Variants in NLGN1 observed in about 807,000 individuals in gnomAD.
NLGN1 encodes the protein neuroligin 1, also known as neuroligin-1.
NLGN1 carries 12 observed loss-of-function variants against 65.5 expected under a neutral mutation model. The observed-to-expected ratio is 0.18, with a 90% CI of 0.12 to 0.30. NLGN1 has a LOEUF of 0.30. Ranked by LOEUF, NLGN1 falls within the 10% of genes least tolerant of loss-of-function variation. The pLI, the probability that NLGN1 is intolerant of heterozygous loss-of-function variation, is 1.00. For synonymous variants in NLGN1, 350 were observed against 359.5 expected (o/e 0.97, Z 0.30); for missense variants, 750 against 1,007.1 (o/e 0.74, Z 3.46).
chr3:174,224,453 C>T (rs1312794234), intron 4 of NLGN1, among the ~76,000 whole-genome samples: 1 of 152,168 alleles, frequency 6.6e-6, no homozygotes, highest in Non-Finnish European at 1.5e-5. Context: ...AATCCCAGAA[C>T]TTTGGGAGGC....
At chr3:174,190,942 G>C (rs956981073) in intron 4 of NLGN1, among the ~76,000 whole-genome samples, 1 of 152,048 alleles carries the variant, frequency 6.6e-6, no homozygotes, top group Non-Finnish European at 1.5e-5. Context: ...TGGGGGCCGA[G>C]ATCTCTTATA....
At chr3:173,900,172 G>GTTCTAT (rs1281752026) in intron 4 of NLGN1, among the ~76,000 whole-genome samples, 1 of 152,078 alleles carries the variant, frequency 6.6e-6, no homozygotes, top group Non-Finnish European at 1.5e-5. Context: ...ATTATATTGT[G>GTTCTAT]TTCTATTTTT....
At chr3:174,228,022 C>G (rs9854999) in intron 4 of NLGN1, among the ~76,000 whole-genome samples, 55,120 of 151,688 alleles carry the variant, frequency 0.36, 10,103 homozygotes, top group East Asian at 0.5. Flanking sequence ...TTGTGTATTT[C>G]ATACTGAGAC....
At chr3:173,713,164 T>C (rs1350351112) in intron 3 of NLGN1, among the ~76,000 whole-genome samples, 1 of 152,166 alleles carries the variant, frequency 6.6e-6, no homozygotes, top group Non-Finnish European at 1.5e-5. Flanking sequence ...TGAAATTGTT[T>C]TCCAAAAAAT....
chr3:173,779,280 C>G (rs1480878262), intron 3 of NLGN1, among the ~76,000 whole-genome samples: 1 of 135,664 alleles, frequency 7.4e-6, no homozygotes, highest in Non-Finnish European at 1.6e-5. Context: ...TGAACATAGA[C>G]TGCATTTTTT....
At chr3:173,640,435 T>G (rs1284970357) in intron 3 of NLGN1, among the ~76,000 whole-genome samples, 1 of 152,152 alleles carries the variant, frequency 6.6e-6, no homozygotes, top group Non-Finnish European at 1.5e-5. Context: ...TTTATCTATC[T>G]ATTGACAACG....
chr3:173,701,439 G>C, intron 3 of NLGN1, among the ~76,000 whole-genome samples: 1 of 152,114 alleles, frequency 6.6e-6, no homozygotes, highest in Non-Finnish European at 1.5e-5. Flanking sequence ...AGGCATGTAA[G>C]CAGCATCTAG....
chr3:174,008,625 G>A (rs1000699258), intron 4 of NLGN1, among the ~76,000 whole-genome samples: 3 of 151,976 alleles, frequency 2.0e-5, no homozygotes, highest in Non-Finnish European at 4.4e-5. Context: ...TCCTGAGTGT[G>A]TTCAAAATAC....
chr3:173,753,045 A>C (rs1005426489), intron 3 of NLGN1, among the ~76,000 whole-genome samples: 15 of 151,282 alleles, frequency 9.9e-5, no homozygotes, highest in Admixed American at 9.9e-4. Flanking sequence ...CATTCTACCC[A>C]CCCGTCTTTT....
chr3:173,495,899 A>G (rs1299839540), intron 2 of NLGN1, among the ~76,000 whole-genome samples: 1 of 151,776 alleles, frequency 6.6e-6, no homozygotes, highest in Non-Finnish European at 1.5e-5. Flanking sequence ...TATGATTTGA[A>G]TCATAGAGTT....
intron 3 of NLGN1, among the ~76,000 whole-genome samples, chr3:173,730,614 C>T (rs1772660544): frequency 6.6e-6 from 1 of 152,032 alleles, no homozygotes; most frequent in East Asian, 1.9e-4. Context: ...CTGTACTGGA[C>T]AGCACTTATC....
intron 4 of NLGN1, among the ~76,000 whole-genome samples, chr3:174,053,304 A>T (rs1282814293): frequency 6.6e-6 from 1 of 151,998 alleles, no homozygotes; most frequent in Admixed American, 6.6e-5. Context: ...ATTAAAAATG[A>T]CAATAAAAAG....
intron 4 of NLGN1, among the ~76,000 whole-genome samples, chr3:174,259,323 T>A (rs972686294): frequency 1.3e-5 from 2 of 152,122 alleles, no homozygotes; most frequent in Admixed American, 6.6e-5. Context: ...TTTCAGTTAA[T>A]CCTTGCTACC....
At chr3:173,466,991 A>T (rs1275691818) in intron 2 of NLGN1, among the ~76,000 whole-genome samples, 1 of 152,178 alleles carries the variant, frequency 6.6e-6, no homozygotes. Flanking sequence ...TTTGAATTTC[A>T]AAATAATACG....
intron 4 of NLGN1, among the ~76,000 whole-genome samples, chr3:173,835,574 A>AACAGATACAC (rs1553865270): frequency 2.0e-5 from 1 of 49,492 alleles, no homozygotes; most frequent in African/African-American, 8.1e-5. Context: ...AATATGTTCA[A>AACAGATACAC]ACACATACAC....
At chr3:173,724,991 T>C (rs1578138155) in intron 3 of NLGN1, among the ~76,000 whole-genome samples, 3 of 151,680 alleles carry the variant, frequency 2.0e-5, no homozygotes, top group Admixed American at 6.6e-5. Flanking sequence ...ATGAGAACAC[T>C]TGGAAACAGG....
chr3:174,162,355 C>A (rs1361812669), intron 4 of NLGN1, among the ~76,000 whole-genome samples: 1 of 151,852 alleles, frequency 6.6e-6, no homozygotes, highest in Non-Finnish European at 1.5e-5. Context: ...CATCTAGGAG[C>A]AATCAGTGTA....
chr3:173,488,653 C>T (rs902782573), intron 2 of NLGN1, among the ~76,000 whole-genome samples: 1 of 151,966 alleles, frequency 6.6e-6, no homozygotes, highest in African/African-American at 2.4e-5. Context: ...GTATTGTGTT[C>T]TTGGTATTCA....
At chr3:174,203,012 A>G (rs946624286) in intron 4 of NLGN1, among the ~76,000 whole-genome samples, 1 of 152,088 alleles carries the variant, frequency 6.6e-6, no homozygotes, top group Admixed American at 6.6e-5. Flanking sequence ...TCATTTACTT[A>G]TTTATTTATT....
Sources: allele counts gnomAD v4.1 joint callset (sites outside exome capture counted in the v4.1 genomes callset), GRCh38; gene constraint gnomAD v4.1.1; transcripts MANE v1.5; gene names NCBI Gene and HGNC (gene_info 2026-07-23, HGNC 2026-07-21).